ADAMTSL1: variants seen among roughly 807,000 people sequenced by gnomAD.
ADAMTSL1 encodes ADAMTS-like protein 1.
A neutral mutation model predicts 201.8 loss-of-function variants in ADAMTSL1; 126 were observed. The ratio of observed to expected loss-of-function variants is 0.62; its 90% CI spans 0.54 to 0.72. ADAMTSL1 has a LOEUF of 0.72. ADAMTSL1 is among the 30% of genes least tolerant of loss of function. ADAMTSL1 has a pLI of 0.00. For missense variants in ADAMTSL1, 2,679 were observed against 2,277.8 expected (o/e 1.18, Z -3.59); for synonymous variants, 1,121 against 903.4 (o/e 1.24, Z -4.32).
intron 1 of ADAMTSL1, among the ~76,000 whole-genome samples, chr9:17,984,148 A>C (rs1415620815): frequency 1.3e-5 from 2 of 152,172 alleles, no homozygotes; most frequent in Non-Finnish European, 1.5e-5. Context: ...TTACTTTAGC[A>C]ATTAGCAGAT....
In ADAMTSL1 at chr9:18,729,830, G is replaced by A. The variant is rs186465463; in HGVS notation, c.2006+8165G>A. 3.6e-3 allele frequency among the ~76,000 whole-genome samples: 554 copies of A among 152,228 alleles called. 2 individuals carry two copies. Among genetic ancestry groups the A allele is most frequent in the South Asian group, 0.018 (87 of 4,814 alleles). ...AGACACTTATTATCTTAAGCCTCCT[G>A]AGTTCTTCATTGCACTAAGAGTTGA... On this transcript the variant is annotated intron_variant, in intron 15 of 28. Transcript: ENST00000380548.
chr9:18,906,335 G>A (rs1481302113), intron 27 of ADAMTSL1, among the ~76,000 whole-genome samples: 3 of 152,038 alleles, frequency 2.0e-5, no homozygotes, highest in Non-Finnish European at 4.4e-5. Context: ...CCATCCTTAT[G>A]ACACTTCCTT....
intron 2 of ADAMTSL1, among the ~76,000 whole-genome samples, chr9:18,300,247 G>T (rs1833651736): frequency 6.6e-6 from 1 of 152,194 alleles, no homozygotes; most frequent in South Asian, 2.1e-4. Context: ...TTAAGAAAAT[G>T]TGGCACATAT....
At chr9:18,776,681 C>G in intron 18 of ADAMTSL1, 100 bp from the exon 19 acceptor site, 4 of 1,308,408 alleles carry the variant, frequency 3.1e-6, no homozygotes, top group Non-Finnish European at 4.1e-6. Flanking sequence ...CTTCTCCACT[C>G]TGGCTCTTTC....
chr9:18,783,992 G>A (rs907764147), intron 19 of ADAMTSL1, among the ~76,000 whole-genome samples: 5 of 152,140 alleles, frequency 3.3e-5, no homozygotes, highest in Admixed American at 6.5e-5. Flanking sequence ...GATAAAGTCC[G>A]GATGCCTTGG....
rs745906161 is a variant in ADAMTSL1 at position 18,908,528 on chromosome 9, G to A, written c.5269G>A (p.Gly1757Arg). The change falls in exon 29 of 29, where the codon GGA becomes AGA. Residue 1757 changes from glycine to arginine, a missense_variant. Physicochemically the swap from Gly to Arg is moderately radical, Grantham distance 125. Coordinates refer to ENST00000380548, the MANE Select transcript of ADAMTSL1 (RefSeq NM_001040272.6). ...QLSQFKSRCC[G>R]TCGKA ...CAGCCAGTTTAAATCTCGCTGCTGT[G>A]GAACTTGTGGCAAAGCGTGAAGATA... 2.6e-6 allele frequency: 4 copies of A among 1,562,048 alleles called. No homozygotes were observed. The highest frequency in any genetic ancestry group is 3.5e-6 in the Non-Finnish European group (4 of 1,153,128).
Position 18,514,886 on chromosome 9 carries a change from T to C in ADAMTSL1, c.191+9930T>C, listed in dbSNP as rs750963918. ...TTCCTGATATTAGAGGAAAAGCCAT[T>C]GAGTGTGATGTTAGCTGAGGACTTT... is the stretch of plus-strand genomic sequence containing the variant. On this transcript the variant is annotated intron_variant, in intron 2 of 28. Coordinates refer to ENST00000380548, the MANE Select transcript of ADAMTSL1 (RefSeq NM_001040272.6). Among the ~76,000 whole-genome samples the C allele has an allele frequency of 5.9e-5, 9 of 152,206 alleles. No homozygotes were observed. In the South Asian group the frequency reaches 8.3e-4, roughly 14 times the overall value.
intron 2 of ADAMTSL1, among the ~76,000 whole-genome samples, chr9:18,288,112 C>T (rs1833094561): frequency 6.6e-6 from 1 of 152,024 alleles, no homozygotes; most frequent in African/African-American, 2.4e-5. Flanking sequence ...ATAAATGGGG[C>T]ACATGATTGG....
At chr9:17,934,224 A>G (rs889706565) in intron 1 of ADAMTSL1, among the ~76,000 whole-genome samples, 91 of 152,296 alleles carry the variant, frequency 6.0e-4, no homozygotes, top group African/African-American at 2.1e-3. Context: ...GTTGTCAACA[A>G]TAAGGTAATT....
chr9:18,882,503 G>A (rs746429656), intron 23 of ADAMTSL1, among the ~76,000 whole-genome samples: 2 of 152,136 alleles, frequency 1.3e-5, no homozygotes, highest in Non-Finnish European at 2.9e-5. Flanking sequence ...TTTTACTCCA[G>A]GCTACAATTA....
intron 2 of ADAMTSL1, among the ~76,000 whole-genome samples, chr9:18,394,559 C>T (rs1029874190): frequency 5.3e-5 from 8 of 152,300 alleles, no homozygotes; most frequent in African/African-American, 1.9e-4. Context: ...AATTATTGTG[C>T]TTTCAACTTA....
chr9:18,287,224 A>T (rs1833024679), intron 2 of ADAMTSL1, among the ~76,000 whole-genome samples: 1 of 152,176 alleles, frequency 6.6e-6, no homozygotes, highest in Non-Finnish European at 1.5e-5. Context: ...CTGCTTGAAG[A>T]TAAAACACTG....
intron 13 of ADAMTSL1, among the ~76,000 whole-genome samples, chr9:18,685,945 G>T (rs752351205): frequency 8.6e-5 from 13 of 151,184 alleles, no homozygotes; most frequent in Non-Finnish European, 1.3e-4. Flanking sequence ...TTGAGATAGG[G>T]TCTCACTCTG....
intron 2 of ADAMTSL1, among the ~76,000 whole-genome samples, chr9:18,305,104 G>A (rs1833860035): frequency 6.6e-6 from 1 of 152,138 alleles, no homozygotes; most frequent in Non-Finnish European, 1.5e-5. Flanking sequence ...AGTACAAGTG[G>A]TCAGGAACTC....
At chr9:18,168,039 C>CA (rs1462804645) in intron 2 of ADAMTSL1, among the ~76,000 whole-genome samples, 2 of 151,868 alleles carry the variant, frequency 1.3e-5, no homozygotes, top group African/African-American at 4.8e-5. Flanking sequence ...CATTTAATCG[C>CA]AAATGTACAC....
intron 2 of ADAMTSL1, among the ~76,000 whole-genome samples, chr9:18,285,250 C>T (rs966158525): frequency 1.2e-4 from 18 of 152,168 alleles, no homozygotes; most frequent in African/African-American, 3.4e-4. Flanking sequence ...GGAATAAAAT[C>T]ATAATAGCAT....
intron 23 of ADAMTSL1, among the ~76,000 whole-genome samples, chr9:18,838,175 C>T (rs1171865944): frequency 6.6e-6 from 1 of 152,016 alleles, no homozygotes; most frequent in Non-Finnish European, 1.5e-5. Flanking sequence ...AGAGCTTATG[C>T]AGGGAAAACT....
intron 1 of ADAMTSL1, among the ~76,000 whole-genome samples, chr9:18,001,330 A>G (rs923346714): frequency 5.3e-5 from 8 of 152,066 alleles, no homozygotes; most frequent in African/African-American, 1.7e-4. Context: ...CTGTCCAAAC[A>G]TATGAATAAA....
In ADAMTSL1 at chr9:18,120,825, C is replaced by T. The variant is rs528279020; in HGVS notation, c.88-43037C>T. ...TTTTTAGTCATGTAATTTAATATACCCTGAAAATTAATTATGGAACAGAGC... is the reference window on the plus strand; with the variant it reads ...TTTTTAGTCATGTAATTTAATATACTCTGAAAATTAATTATGGAACAGAGC... On this transcript the variant is annotated intron_variant, in intron 1 of 29. Transcript: ENST00000680146. 5.3e-5 allele frequency among the ~76,000 whole-genome samples: 8 copies of T among 151,778 alleles called. No homozygotes were observed. The South Asian group carries it at 1.7e-3, about 32-fold the overall frequency.
Sources: gnomAD v4.1 joint callset for allele counts (sites outside exome capture counted in the v4.1 genomes callset) on GRCh38, gnomAD v4.1.1 for gene constraint, MANE v1.5 for transcripts, NCBI Gene and HGNC (gene_info 2026-07-23, HGNC 2026-07-21) for gene names.